RSU1: variants seen among roughly 807,000 people sequenced by gnomAD.
The protein encoded by RSU1 is Ras suppressor protein 1, also known as rsu-1.
In RSU1, 26 loss-of-function variants were observed where a neutral mutation model predicts 31.1. The observed-to-expected ratio is 0.84, with a 90% confidence interval of 0.61 to 1.16. The LOEUF is 1.16. Ranked by LOEUF, RSU1 falls within the 50% of genes most tolerant of loss-of-function variation. The pLI, the probability that RSU1 is intolerant of heterozygous loss-of-function variation, is 0.00. For missense variants in RSU1, 320 were observed against 339.1 expected (o/e 0.94, Z 0.44); for synonymous variants, 164 against 136.3 (o/e 1.20, Z -1.41).
At chr10:16,804,557 A>C (rs948072854) in intron 2 of RSU1, among the ~76,000 whole-genome samples, 5 of 152,252 alleles carry the variant, frequency 3.3e-5, no homozygotes, top group Non-Finnish European at 7.3e-5. Flanking sequence ...CAAAGTTGGA[A>C]GCTGCCAAAA....
chr10:16,653,028 C>A lies in RSU1; in HGVS notation c.731+41995G>T, dbSNP rs377039511. Among the ~76,000 whole-genome samples the A allele has an allele frequency of 4.6e-5, 7 of 151,958 alleles. No homozygotes were observed. In the East Asian group the frequency reaches 5.8e-4, roughly 13 times the overall value. Reference sequence around the variant, plus strand: ...TTTACATAGAGAACAGAAAAATATACAAGGGAGAGCTAAAAAAATCTAGGG... The same window carrying A: ...TTTACATAGAGAACAGAAAAATATAAAAGGGAGAGCTAAAAAAATCTAGGG... On this transcript the variant is annotated intron_variant, in intron 8 of 8. Transcript: ENST00000345264.
At chr10:16,675,892 C>T (rs1835220293) in intron 8 of RSU1, among the ~76,000 whole-genome samples, 1 of 152,106 alleles carries the variant, frequency 6.6e-6, no homozygotes, top group African/African-American at 2.4e-5. Context: ...GATAAGAGCT[C>T]CCTGGAGAAG....
intron 8 of RSU1, among the ~76,000 whole-genome samples, chr10:16,641,530 CCACACT>C (rs1834442665): frequency 6.6e-6 from 1 of 151,890 alleles, no homozygotes; most frequent in Non-Finnish European, 1.5e-5. Flanking sequence ...ATTCACACAC[CCACACT>C]CACATCTGCA....
intron 4 of RSU1, among the ~76,000 whole-genome samples, chr10:16,760,995 G>A (rs1166350692): frequency 5.9e-5 from 9 of 152,180 alleles, no homozygotes; most frequent in Admixed American, 5.2e-4. Context: ...AGGCTGGAGT[G>A]CAGTGGTGCG....
At chr10:16,685,316 G>C (rs541601221) in intron 8 of RSU1, among the ~76,000 whole-genome samples, 8 of 152,276 alleles carry the variant, frequency 5.3e-5, no homozygotes, top group Non-Finnish European at 8.8e-5. Flanking sequence ...TCGCGATCCA[G>C]ACCCTAAGAG....
intron 8 of RSU1, among the ~76,000 whole-genome samples, chr10:16,685,506 G>A (rs999362233): frequency 6.6e-6 from 1 of 152,078 alleles, no homozygotes; most frequent in African/African-American, 2.4e-5. Context: ...AACAAGCGGT[G>A]GATTATTCAT....
chr10:16,594,349 G>C (rs886278353), intron 8 of RSU1, among the ~76,000 whole-genome samples: 1 of 151,952 alleles, frequency 6.6e-6, no homozygotes, highest in African/African-American at 2.4e-5. Context: ...ATCCACACAA[G>C]GAATATGCAC....
At chr10:16,652,402 A>AAC (rs1834701925) in intron 8 of RSU1, among the ~76,000 whole-genome samples, 1 of 151,274 alleles carries the variant, frequency 6.6e-6, no homozygotes, top group African/African-American at 2.4e-5. Flanking sequence ...CAAAAAAAAA[A>AAC]AAAAAAAAAA....
chr10:16,640,696 C>G (rs542191646), intron 8 of RSU1, among the ~76,000 whole-genome samples: 2 of 152,238 alleles, frequency 1.3e-5, no homozygotes, highest in Non-Finnish European at 2.9e-5. Flanking sequence ...GGCTCACACC[C>G]GGATGGTACC....
chr10:16,778,817 G>A (rs568541213), intron 3 of RSU1, among the ~76,000 whole-genome samples: 1 of 152,258 alleles, frequency 6.6e-6, no homozygotes, highest in South Asian at 2.1e-4. Flanking sequence ...TGGGATGTGG[G>A]GCAGATTAGG....
At chr10:16,654,918 G>A (rs1834750700) in intron 8 of RSU1, among the ~76,000 whole-genome samples, 1 of 151,700 alleles carries the variant, frequency 6.6e-6, no homozygotes, top group Non-Finnish European at 1.5e-5. Flanking sequence ...TTGAAAAACA[G>A]GTGGGTGTGG....
chr10:16,789,327 G>A (rs949529585), intron 2 of RSU1, among the ~76,000 whole-genome samples: 1 of 152,190 alleles, frequency 6.6e-6, no homozygotes, highest in African/African-American at 2.4e-5. Context: ...AAGTAGGTAA[G>A]AGGAAGAAAA....
intron 8 of RSU1, among the ~76,000 whole-genome samples, chr10:16,642,467 T>C (rs2131502985): frequency 6.6e-6 from 1 of 152,292 alleles, no homozygotes; most frequent in South Asian, 2.1e-4. Flanking sequence ...CTATCAGTGA[T>C]TTTTCATAGA....
chr10:16,758,312 T>C (rs987084876), intron 4 of RSU1, among the ~76,000 whole-genome samples: 1 of 152,218 alleles, frequency 6.6e-6, no homozygotes, highest in Non-Finnish European at 1.5e-5. Context: ...GTTCTCTCTC[T>C]GCAGAATGAA....
intron 8 of RSU1, among the ~76,000 whole-genome samples, chr10:16,634,588 T>C (rs1051382108): frequency 1.3e-5 from 2 of 152,244 alleles, no homozygotes; most frequent in Admixed American, 6.5e-5. Context: ...GCATCTTATG[T>C]TCTAGATTTT....
chr10:16,769,107 A>G (rs977697923), intron 3 of RSU1, among the ~76,000 whole-genome samples: 2 of 152,176 alleles, frequency 1.3e-5, no homozygotes, highest in South Asian at 2.1e-4. Context: ...GCAGCCCACA[A>G]ACTGTCTCCC....
intron 8 of RSU1, among the ~76,000 whole-genome samples, chr10:16,654,482 C>A (rs530750633): frequency 6.6e-6 from 1 of 150,592 alleles, no homozygotes; most frequent in Non-Finnish European, 1.5e-5. Flanking sequence ...CCAGCCCGAG[C>A]AACATGGTGA....
At position 16,691,395 on chromosome 10, in the gene RSU1, T is replaced by TTTA. The variant is rs59748316; in HGVS notation, c.731+3627_731+3628insTAA. Among the ~76,000 whole-genome samples the TTTA allele has an allele frequency of 9.2e-5, 14 of 151,700 alleles. No homozygotes were observed. The East Asian group carries it at 1.4e-3, about 15-fold the overall frequency. ...TTTTGTGCAGTTTTTTTTTTTTTTT[T>TTTA]AATGATTAAGAGTTTGACTTATTGT... is the stretch of plus-strand genomic sequence containing the variant. On this transcript the variant is annotated intron_variant, in intron 8 of 8. Transcript: ENST00000345264.
intron 8 of RSU1, 96 bp from the exon 9 acceptor site, chr10:16,593,592 A>T (rs1833552123): frequency 1.1e-6 from 1 of 943,312 alleles, no homozygotes; most frequent in African/African-American, 1.6e-5. Flanking sequence ...ATCTCCAAAA[A>T]TATTCAGTAA....
Sources: allele counts gnomAD v4.1 joint callset (sites outside exome capture counted in the v4.1 genomes callset), GRCh38; gene constraint gnomAD v4.1.1; transcripts MANE v1.5; gene names NCBI Gene and HGNC (gene_info 2026-07-23, HGNC 2026-07-21).